The following VPS13B variants were observed in gnomAD, a reference collection of about 807,000 sequenced individuals.
VPS13B encodes intermembrane lipid transfer protein VPS13B.
Under a neutral mutation model 426.4 loss-of-function variants are expected in VPS13B, and 285 were observed. That is an observed-to-expected ratio of 0.67 (90% CI 0.61 to 0.74). The LOEUF is 0.74. VPS13B is among the 30% of genes least tolerant of loss of function. VPS13B has a pLI of 0.00. For synonymous variants in VPS13B, 1,676 were observed against 1,676.4 expected (o/e 1.00, Z 0.01); for missense variants, 4,537 against 4,782.6 (o/e 0.95, Z 1.51).
At chr8:99,477,427 T>C (rs1037613330) in intron 24 of VPS13B, among the ~76,000 whole-genome samples, 11 of 152,228 alleles carry the variant, frequency 7.2e-5, no homozygotes, top group Admixed American at 2.0e-4. Flanking sequence ...TTTTATACCA[T>C]TGGCTAAAAG....
intron 30 of VPS13B, among the ~76,000 whole-genome samples, chr8:99,540,052 TATATATA>T (rs1823515214): frequency 3.5e-4 from 2 of 5,656 alleles, no homozygotes; most frequent in African/African-American, 6.2e-4. Flanking sequence ...TATATATATA[TATATATA>T]TATATTTTTT....
intron 43 of VPS13B, among the ~76,000 whole-genome samples, chr8:99,800,289 T>C (rs143547067): frequency 0.011 from 1,676 of 152,286 alleles, 21 homozygotes; most frequent in Admixed American, 0.052. Context: ...TCTTAAGGAC[T>C]GTCACACAAT....
intron 17 of VPS13B, among the ~76,000 whole-genome samples, chr8:99,227,532 A>C (rs550782553): frequency 2.6e-5 from 4 of 152,264 alleles, no homozygotes; most frequent in African/African-American, 9.6e-5. Context: ...GATTTTAGGA[A>C]GGTTGTTTTA....
chr8:99,015,217 T>G (rs1353822742), intron 2 of VPS13B, among the ~76,000 whole-genome samples: 1 of 145,106 alleles, frequency 6.9e-6, no homozygotes, highest in Non-Finnish European at 1.5e-5. Context: ...ACAGCTCAAT[T>G]TTTTTTTTTT....
At chr8:99,768,978 C>A (rs1200859203) in intron 40 of VPS13B, among the ~76,000 whole-genome samples, 1 of 152,124 alleles carries the variant, frequency 6.6e-6, no homozygotes, top group Non-Finnish European at 1.5e-5. Context: ...AATACATTTT[C>A]ACCATCGAAA....
At chr8:99,741,478 T>C (rs1199460630) in intron 39 of VPS13B, among the ~76,000 whole-genome samples, 2 of 152,194 alleles carry the variant, frequency 1.3e-5, no homozygotes, top group Middle Eastern at 3.2e-3. Context: ...GCGGACCTAA[T>C]AGACATCTAC....
intron 22 of VPS13B, among the ~76,000 whole-genome samples, chr8:99,435,591 A>C (rs1226851568): frequency 6.6e-6 from 1 of 152,184 alleles, no homozygotes; most frequent in Non-Finnish European, 1.5e-5. Flanking sequence ...GATTTATTTC[A>C]CTGCCTGAAA....
chr8:99,442,738 C>A, intron 23 of VPS13B, 103 bp downstream of exon 23: 1 of 1,219,044 alleles, frequency 8.2e-7, no homozygotes, highest in Non-Finnish European at 1.2e-6. Flanking sequence ...TCAGTCTTCT[C>A]ATTGAAAGAT....
chr8:99,716,437 A>G (rs1179083254), intron 36 of VPS13B, among the ~76,000 whole-genome samples: 1 of 152,174 alleles, frequency 6.6e-6, no homozygotes, highest in Non-Finnish European at 1.5e-5. Flanking sequence ...GAGGAAAGTT[A>G]ACTCACCACT....
At chr8:99,028,390 G>A (rs1406501592) in intron 2 of VPS13B, among the ~76,000 whole-genome samples, 6 of 146,768 alleles carry the variant, frequency 4.1e-5, no homozygotes, top group East Asian at 2.0e-4. Flanking sequence ...CGGGCGGGGG[G>A]CTGACCCCCC....
chr8:99,408,068 T>A (rs1588341161), intron 21 of VPS13B, among the ~76,000 whole-genome samples: 3 of 151,954 alleles, frequency 2.0e-5, no homozygotes, highest in African/African-American at 7.3e-5. Flanking sequence ...GGAAGAGGGA[T>A]GTAAGAGGAA....
chr8:99,676,968 A>G (rs1830960001), intron 35 of VPS13B, among the ~76,000 whole-genome samples: 1 of 151,972 alleles, frequency 6.6e-6, no homozygotes, highest in Admixed American at 6.6e-5. Flanking sequence ...CATCTCTACT[A>G]AAATGGACGT....
intron 17 of VPS13B, among the ~76,000 whole-genome samples, chr8:99,272,288 CT>C (rs1171571752): frequency 6.6e-6 from 1 of 152,016 alleles, no homozygotes; most frequent in East Asian, 1.9e-4. Context: ...GTGATAAAGT[CT>C]TCTGTGATGG....
rs151133428 is a variant in VPS13B, at chr8:99,080,512, G to A, written c.292-15800G>A. Among the ~76,000 whole-genome samples, 97 of 152,082 alleles carry A rather than the reference G, an allele frequency of 6.4e-4. 2 individuals carry two copies. The highest frequency in any genetic ancestry group is 2.0e-3 in the African/African-American group (84 of 41,476). On this transcript the variant is annotated intron_variant, in intron 3 of 61. Coordinates refer to ENST00000357162, the MANE Select transcript of VPS13B (RefSeq NM_152564.5). ...TTTCTCTTCCCCTCTGATTTATAATGCTACCTGTGTCATATTCCATGTATC... is the reference window on the plus strand; with the variant it reads ...TTTCTCTTCCCCTCTGATTTATAATACTACCTGTGTCATATTCCATGTATC...
At chr8:99,787,615 G>T (rs1422222502) in intron 43 of VPS13B, among the ~76,000 whole-genome samples, 1 of 152,140 alleles carries the variant, frequency 6.6e-6, no homozygotes, top group Non-Finnish European at 1.5e-5. Context: ...ATTATGCTAC[G>T]TTGAATCTAG....
chr8:99,705,248 A>C (rs542847592), intron 36 of VPS13B, among the ~76,000 whole-genome samples: 2 of 152,292 alleles, frequency 1.3e-5, no homozygotes, highest in East Asian at 3.9e-4. Context: ...AAAGTAGAAC[A>C]GGAATTTCTA....
chr8:99,570,916 A>T (rs892935817), intron 31 of VPS13B, among the ~76,000 whole-genome samples: 1 of 152,160 alleles, frequency 6.6e-6, no homozygotes, highest in Non-Finnish European at 1.5e-5. Context: ...AGGTAATATA[A>T]GTTAGAGCCA....
intron 19 of VPS13B, among the ~76,000 whole-genome samples, chr8:99,348,588 T>G (rs1377031613): frequency 6.6e-6 from 1 of 152,196 alleles, no homozygotes; most frequent in African/African-American, 2.4e-5. Context: ...AAAAGTCAAA[T>G]ATGGTGATTT....
chr8:99,746,517 C>A (rs371265348), intron 39 of VPS13B, among the ~76,000 whole-genome samples: 1 of 151,990 alleles, frequency 6.6e-6, no homozygotes, highest in Non-Finnish European at 1.5e-5. Flanking sequence ...AAGTTCTGTG[C>A]GCCAGAAATT....
Sources: allele counts gnomAD v4.1 joint callset (sites outside exome capture counted in the v4.1 genomes callset), GRCh38; gene constraint gnomAD v4.1.1; transcripts MANE v1.5; gene names NCBI Gene and HGNC (gene_info 2026-07-23, HGNC 2026-07-21).